The following CDH1 variants were observed in gnomAD, a reference collection of about 807,000 sequenced individuals.
The protein encoded by CDH1 is cadherin 1, also known as cadherin-1.
Under a neutral mutation model 84.5 loss-of-function variants are expected in CDH1, and 35 were observed. The observed-to-expected ratio is 0.41, with a 90% CI of 0.32 to 0.55. The LOEUF (loss-of-function observed/expected upper bound fraction) is 0.55. Among genes scored for constraint, CDH1 ranks in the 20% least tolerant of loss-of-function variants. The pLI, the probability that CDH1 is intolerant of heterozygous loss-of-function variation, is 0.19. For synonymous variants in CDH1, 417 were observed against 439.0 expected (o/e 0.95, Z 0.63); for missense variants, 994 against 1,126.6 (o/e 0.88, Z 1.68).
chr16:68,738,789 AGT>A (rs948651677), intron 2 of CDH1, among the ~76,000 whole-genome samples: 1 of 151,944 alleles, frequency 6.6e-6, no homozygotes, highest in African/African-American at 2.4e-5. Flanking sequence ...AGGCTAAGAG[AGT>A]GACGTCCACT....
intron 9 of CDH1, among the ~76,000 whole-genome samples, chr16:68,813,877 A>C (rs1960912912): frequency 6.6e-6 from 1 of 151,122 alleles, no homozygotes; most frequent in African/African-American, 2.4e-5. Flanking sequence ...GGTTGCAGTG[A>C]GCCAAGATCG....
intron 10 of CDH1, among the ~76,000 whole-genome samples, chr16:68,818,577 G>A (rs1218769082): frequency 2.0e-5 from 3 of 147,928 alleles, no homozygotes; most frequent in Non-Finnish European, 4.5e-5. Flanking sequence ...GGCCGGGCGC[G>A]GTGGCTCACG....
intron 2 of CDH1, among the ~76,000 whole-genome samples, chr16:68,774,045 A>G (rs1490375059): frequency 6.6e-6 from 1 of 152,178 alleles, no homozygotes; most frequent in Non-Finnish European, 1.5e-5. Flanking sequence ...CCTCCCAAGT[A>G]GCTGGCAGTA....
At chr16:68,781,704 ACTCGAGTGAT>A (rs1959883268) in intron 2 of CDH1, among the ~76,000 whole-genome samples, 1 of 151,980 alleles carries the variant, frequency 6.6e-6, no homozygotes, top group South Asian at 2.1e-4. Context: ...AAACTCCTGG[ACTCGAGTGAT>A]CTCCCTGCCT....
intron 2 of CDH1, among the ~76,000 whole-genome samples, chr16:68,767,059 C>T (rs1170055630): frequency 1.3e-5 from 2 of 151,824 alleles, no homozygotes; most frequent in Non-Finnish European, 2.9e-5. Context: ...AAACTGAGAC[C>T]CAGAGAAGTT....
At chr16:68,829,853 T>C (rs2152142568) in intron 15 of CDH1, 56 bp downstream of exon 15, 1 of 1,569,478 alleles carries the variant, frequency 6.4e-7, no homozygotes. Flanking sequence ...TCAGGAGGAG[T>C]TGTGTCAAAA....
intron 2 of CDH1, among the ~76,000 whole-genome samples, chr16:68,743,641 C>A (rs1962645911): frequency 1.3e-5 from 2 of 152,066 alleles, no homozygotes; most frequent in Admixed American, 6.6e-5. Context: ...GCTGGGATTA[C>A]AGGCGTGAGC....
At position 68,759,042 on chromosome 16, in the gene CDH1, C is replaced by T. The variant is rs961210542; in HGVS notation, c.163+20631C>T. ...AACTCCTGACCTCAGATGATCTGCC[C>T]CTCTAGCCCTCTCAAAGTGTTGGGA... is the stretch of plus-strand genomic sequence containing the variant. On this transcript the variant is annotated intron_variant, in intron 2 of 15. Coordinates refer to ENST00000261769, the MANE Select transcript of CDH1 (RefSeq NM_004360.5). Among the ~76,000 whole-genome samples, 5 of 152,208 alleles carry T rather than the reference C, an allele frequency of 3.3e-5. No individual in the cohort carries two copies. In the East Asian group the frequency reaches 9.7e-4, roughly 29 times the overall value.
Position 68,786,382 on chromosome 16 carries a change from G to A in CDH1, c.164-15288G>A, listed in dbSNP as rs149749498. Reference sequence around the variant, plus strand: ...AGACAGGGTTTCACCATGATGGTCAGGCTGGTCTCGAACCCCTGATCTCTG... The same window carrying A: ...AGACAGGGTTTCACCATGATGGTCAAGCTGGTCTCGAACCCCTGATCTCTG... On this transcript the variant is annotated intron_variant, in intron 2 of 15. Transcript: ENST00000261769. 4.1e-4 allele frequency among the ~76,000 whole-genome samples: 62 copies of A among 152,074 alleles called. 1 individual carries two copies. The East Asian group carries it at 9.5e-3, about 23-fold the overall frequency.
intron 8 of CDH1, 43 bp from the exon 9 acceptor site, chr16:68,813,270 C>A: frequency 1.3e-6 from 2 of 1,592,170 alleles, no homozygotes; most frequent in Non-Finnish European, 1.7e-6. Flanking sequence ...GCTCTGCTAG[C>A]AGTCTTGGTA....
chr16:68,771,861 G>A (rs1466468026), intron 2 of CDH1, among the ~76,000 whole-genome samples: 4 of 152,110 alleles, frequency 2.6e-5, no homozygotes, highest in Middle Eastern at 3.4e-3. Flanking sequence ...GATTACAGGC[G>A]CGAGCCACCG....
chr16:68,799,323 G>A (rs1291271323), intron 2 of CDH1, among the ~76,000 whole-genome samples: 1 of 152,188 alleles, frequency 6.6e-6, no homozygotes, highest in East Asian at 1.9e-4. Context: ...GGGGCATGGT[G>A]GTGATTTTTT....
At chr16:68,801,939 T>C (rs1192960799) in intron 3 of CDH1, 46 bp downstream of exon 3, 2 of 1,463,126 alleles carry the variant, frequency 1.4e-6, no homozygotes, top group Non-Finnish European at 1.9e-6. Flanking sequence ...TTTAGTGCGC[T>C]GTCTAATCCA....
intron 2 of CDH1, among the ~76,000 whole-genome samples, chr16:68,783,865 T>A (rs539620524): frequency 6.6e-6 from 1 of 151,950 alleles, no homozygotes; most frequent in Admixed American, 6.6e-5. Context: ...TTAGTAGAGA[T>A]GGAGTTTCAC....
In CDH1 at chr16:68,828,230, T is replaced by C. The variant is rs772531531; in HGVS notation, c.2221T>C (p.Leu741=). ...LRRRAVVKEP[L]LPPEDDTRDN... ...GAGGAGAGCGGTGGTCAAAGAGCCCTTACTGCCCCCAGAGGATGACACCCG... is the reference window on the plus strand; with the variant it reads ...GAGGAGAGCGGTGGTCAAAGAGCCCCTACTGCCCCCAGAGGATGACACCCG... The change falls in exon 14 of 16, where the codon TTA becomes CTA. Residue 741 remains leucine, a synonymous_variant. Transcript: ENST00000261769. The C allele has an allele frequency of 1.2e-6, 2 of 1,614,064 alleles. No individual in the cohort carries two copies. Among genetic ancestry groups the C allele is most frequent in the Admixed American group, 3.3e-5 (2 of 60,002 alleles).
chr16:68,813,145 A>T (rs1266481710), intron 8 of CDH1, among the ~76,000 whole-genome samples, 168 bp from the exon 9 acceptor site: 1 of 152,026 alleles, frequency 6.6e-6, no homozygotes. Context: ...TGAGCCCAGG[A>T]GGTTGAGGCT....
chr16:68,798,199 T>C (rs574628982), intron 2 of CDH1, among the ~76,000 whole-genome samples: 1 of 152,342 alleles, frequency 6.6e-6, no homozygotes, highest in South Asian at 2.1e-4. Context: ...AAGGTGGGCA[T>C]ACTGGGTTAA....
chr16:68,750,905 A>G (rs1468189383), intron 2 of CDH1, among the ~76,000 whole-genome samples: 1 of 151,912 alleles, frequency 6.6e-6, no homozygotes, highest in Non-Finnish European at 1.5e-5. Flanking sequence ...GGATCTCGCT[A>G]TATTGCCCAG....
intron 2 of CDH1, among the ~76,000 whole-genome samples, chr16:68,753,450 G>C (rs1483425690): frequency 2.8e-5 from 4 of 144,512 alleles, no homozygotes; most frequent in African/African-American, 1.2e-4. Context: ...AGGTTCAAGC[G>C]ATTCTCCTGC....
Sources: gnomAD v4.1 joint callset for allele counts (sites outside exome capture counted in the v4.1 genomes callset) on GRCh38, gnomAD v4.1.1 for gene constraint, MANE v1.5 for transcripts, NCBI Gene and HGNC (gene_info 2026-07-23, HGNC 2026-07-21) for gene names.